The following ANKRD6 variants were observed in gnomAD, a reference collection of about 807,000 sequenced individuals.
ANKRD6 encodes ankyrin repeat domain 6, also known as ankyrin repeat domain-containing protein 6.
ANKRD6 carries 56 observed loss-of-function variants against 82.3 expected under a neutral mutation model. The ratio of observed to expected loss-of-function variants is 0.68; its 90% CI spans 0.55 to 0.85. The LOEUF is 0.85. Ranked by LOEUF, ANKRD6 falls within the 40% of genes least tolerant of loss-of-function variation. The pLI is 0.00. For synonymous variants in ANKRD6, 347 were observed against 352.1 expected (o/e 0.99, Z 0.16); for missense variants, 852 against 907.6 (o/e 0.94, Z 0.79).
chr6:89,498,047 T>G (rs985244518), intron 1 of ANKRD6, among the ~76,000 whole-genome samples: 2 of 152,234 alleles, frequency 1.3e-5, no homozygotes, highest in Non-Finnish European at 2.9e-5. Flanking sequence ...TATGTTAATA[T>G]CAGTTCCAGA....
intron 1 of ANKRD6, among the ~76,000 whole-genome samples, chr6:89,493,315 AAATATGGCTCC>A (rs1461455643): frequency 2.0e-5 from 3 of 151,966 alleles, no homozygotes; most frequent in African/African-American, 7.3e-5. Flanking sequence ...TTGGCTTGAG[AAATATGGCTCC>A]AATCTCTGCC....
intron 1 of ANKRD6, among the ~76,000 whole-genome samples, chr6:89,436,519 A>G (rs1000139115): frequency 1.3e-5 from 2 of 152,206 alleles, no homozygotes; most frequent in Non-Finnish European, 2.9e-5. Flanking sequence ...GGGGGTCCAA[A>G]ATAGTAAACT....
chr6:89,560,531 CTG>C (rs1429906648), intron 1 of ANKRD6, among the ~76,000 whole-genome samples: 4 of 152,150 alleles, frequency 2.6e-5, no homozygotes. Context: ...TTATAGAAAA[CTG>C]TAGGTGCTGG....
chr6:89,561,222 A>G (rs758478355), intron 1 of ANKRD6: 1 of 152,236 alleles, frequency 6.6e-6, no homozygotes, highest in Non-Finnish European at 1.5e-5. Context: ...AACAGCCTCT[A>G]TGCCTCCTGC....
rs542343005 is a variant in ANKRD6 at position 89,569,320 on chromosome 6, G to A, written c.120+2224G>A. Among the ~76,000 whole-genome samples, 20 of 152,174 alleles carry A rather than the reference G, an allele frequency of 1.3e-4. No individual in the cohort carries two copies. In the East Asian group the frequency reaches 3.5e-3, roughly 26 times the overall value. ...GTCTCTATAAACTTACCTTTTCTAG[G>A]CATTTTATGTAAATAGAATCATATG... On this transcript the variant is annotated intron_variant, in intron 2 of 15. Transcript: ENST00000339746.
intron 1 of ANKRD6, among the ~76,000 whole-genome samples, chr6:89,452,984 C>T (rs1582671237): frequency 6.6e-6 from 1 of 152,286 alleles, no homozygotes. Flanking sequence ...CTGCGGCTCC[C>T]ATGGATTTGA....
chr6:89,544,530 C>T (rs185783704), intron 1 of ANKRD6, among the ~76,000 whole-genome samples: 41 of 152,094 alleles, frequency 2.7e-4, no homozygotes, highest in Non-Finnish European at 3.7e-4. Context: ...CTGGCTAGCA[C>T]GGTGAAACCC....
chr6:89,629,503 C>T (rs901901908), intron 15 of ANKRD6: 13 of 467,768 alleles, frequency 2.8e-5, no homozygotes, highest in Non-Finnish European at 4.0e-6. Flanking sequence ...GCCTTGAGTA[C>T]AGTGTTGATA....
chr6:89,586,448 G>A (rs895371283), intron 2 of ANKRD6, among the ~76,000 whole-genome samples: 9 of 152,146 alleles, frequency 5.9e-5, no homozygotes, highest in African/African-American at 2.2e-4. Flanking sequence ...CAGCACTTTG[G>A]GAGGCCGAGG....
chr6:89,457,998 A>G (rs1013468760), intron 1 of ANKRD6, among the ~76,000 whole-genome samples: 4 of 152,210 alleles, frequency 2.6e-5, no homozygotes, highest in Non-Finnish European at 4.4e-5. Context: ...AGAGCTTTCT[A>G]GGCCTCTTGC....
At chr6:89,617,002 A>C in intron 8 of ANKRD6, 1 of 478,278 alleles carries the variant, frequency 2.1e-6, no homozygotes, top group Non-Finnish European at 4.1e-6. Context: ...AAAAATGGCC[A>C]CATGGCCCTC....
At position 89,631,925 on chromosome 6, in the gene ANKRD6, C is replaced by T. The variant is rs904190933; in HGVS notation, c.*921C>T. 2 of 152,198 alleles carry T rather than the reference C, an allele frequency of 1.3e-5. No individual in the cohort carries two copies. The highest frequency in any genetic ancestry group is 4.8e-5 in the African/African-American group (2 of 41,448). 9.4% of individuals were successfully genotyped at this position (152,198 alleles called of 1,614,324 possible). On this transcript the variant is annotated 3_prime_UTR_variant, in exon 16 of 16. Transcript: ENST00000339746. ...TGAATTCTGTCATTAACCTCAAAAGCTTTCTACTGCTTTGCGGTGAAGGCA... is the reference window on the plus strand; with the variant it reads ...TGAATTCTGTCATTAACCTCAAAAGTTTTCTACTGCTTTGCGGTGAAGGCA...
intron 1 of ANKRD6, among the ~76,000 whole-genome samples, chr6:89,434,824 T>A (rs1269481620): frequency 1.3e-5 from 2 of 152,104 alleles, no homozygotes; most frequent in South Asian, 2.1e-4. Context: ...AAAAATTTTT[T>A]AAAAATTAGG....
At chr6:89,571,516 G>A (rs758610592) in intron 2 of ANKRD6, among the ~76,000 whole-genome samples, 10 of 151,880 alleles carry the variant, frequency 6.6e-5, no homozygotes, top group Non-Finnish European at 1.2e-4. Context: ...TTTTGGTGTT[G>A]AGTTGTAAGA....
At chr6:89,589,078 T>C (rs904228160) in intron 2 of ANKRD6, among the ~76,000 whole-genome samples, 1 of 151,852 alleles carries the variant, frequency 6.6e-6, no homozygotes, top group Non-Finnish European at 1.5e-5. Context: ...GTGCATTCTG[T>C]TGGGACGGGT....
rs555616529 is a variant in ANKRD6, at chr6:89,535,124, C to G, written c.-143-31710C>G. Among the ~76,000 whole-genome samples, 11 of 152,212 alleles carry G rather than the reference C, an allele frequency of 7.2e-5. No homozygotes were observed. The South Asian group carries it at 2.3e-3, about 32-fold the overall frequency. On this transcript the variant is annotated intron_variant, in intron 1 of 15. Transcript: ENST00000339746. ...TAAACAAGAGTAAAGTTCTCATTTG[C>G]CACTTTAATCAAGTTCATTAAAAAT...
Position 89,504,422 on chromosome 6 carries a change from T to G in ANKRD6, c.-143-62412T>G, listed in dbSNP as rs1037100021. ...GCTCTCGCTCGCGCTCTCGCTCTTT[T>G]AGACAGGGTCTCGCTCGGTTGCCCA... is the stretch of plus-strand genomic sequence containing the variant. On this transcript the variant is annotated intron_variant, in intron 1 of 15. Transcript: ENST00000339746. Among the ~76,000 whole-genome samples, 6 of 152,068 alleles carry G rather than the reference T, an allele frequency of 3.9e-5. No individual in the cohort carries two copies. In the South Asian group the frequency reaches 1.2e-3, roughly 32 times the overall value.
At chr6:89,572,456 G>GT (rs1790136196) in intron 2 of ANKRD6, among the ~76,000 whole-genome samples, 1 of 152,206 alleles carries the variant, frequency 6.6e-6, no homozygotes, top group Admixed American at 6.5e-5. Flanking sequence ...TAGCTTTACA[G>GT]TGGTATCTCG....
At chr6:89,455,574 G>A (rs988295721) in intron 1 of ANKRD6, among the ~76,000 whole-genome samples, 1 of 152,110 alleles carries the variant, frequency 6.6e-6, no homozygotes, top group Non-Finnish European at 1.5e-5. Flanking sequence ...ATTGGATCAT[G>A]GGGGCAGAGT....
Sources: gnomAD v4.1 joint callset for allele counts (sites outside exome capture counted in the v4.1 genomes callset) on GRCh38, gnomAD v4.1.1 for gene constraint, MANE v1.5 for transcripts, NCBI Gene and HGNC (gene_info 2026-07-23, HGNC 2026-07-21) for gene names.